Variants in ABHD17C observed in about 807,000 individuals in gnomAD.
ABHD17C encodes the protein alpha/beta hydrolase domain-containing protein 17C.
ABHD17C carries 11 observed loss-of-function variants against 27.9 expected under a neutral mutation model. That is an observed-to-expected ratio of 0.39 (90% CI 0.25 to 0.65). The LOEUF is 0.65. Among genes scored for constraint, ABHD17C ranks in the 30% least tolerant of loss-of-function variants. The pLI, the probability that ABHD17C is intolerant of heterozygous loss-of-function variation, is 0.45. For missense variants in ABHD17C, 280 were observed against 470.2 expected (o/e 0.60, Z 3.74); for synonymous variants, 233 against 209.1 (o/e 1.11, Z -0.98).
At chr15:80,737,795 T>A (rs1308600445) in intron 1 of ABHD17C, among the ~76,000 whole-genome samples, 2 of 151,884 alleles carry the variant, frequency 1.3e-5, no homozygotes, top group Non-Finnish European at 1.5e-5. Context: ...CAGGGGGTGT[T>A]TATGAGCCAG....
chr15:80,728,906 C>T (rs1172026340), intron 1 of ABHD17C, among the ~76,000 whole-genome samples: 13 of 152,152 alleles, frequency 8.5e-5, no homozygotes, highest in East Asian at 1.9e-4. Flanking sequence ...CCACCACGCC[C>T]GGCCTAAAGC....
At chr15:80,718,251 T>TA (rs1480918362) in intron 1 of ABHD17C, among the ~76,000 whole-genome samples, 2 of 118,274 alleles carry the variant, frequency 1.7e-5, no homozygotes, top group African/African-American at 3.0e-5. Context: ...TGTAGTTTAT[T>TA]TTTTTTTTGA....
chr15:80,697,713 AG>A (rs1422681786), intron 1 of ABHD17C, among the ~76,000 whole-genome samples: 1 of 152,188 alleles, frequency 6.6e-6, no homozygotes, highest in Non-Finnish European at 1.5e-5. Context: ...AGTTGAATTA[AG>A]GGTAATTGTT....
rs865807336 is a variant in ABHD17C, at chr15:80,744,093, A to G, written c.591-5420A>G. Among the ~76,000 whole-genome samples the G allele has an allele frequency of 4.6e-5, 7 of 152,036 alleles. No homozygotes were observed. In the South Asian group the frequency reaches 1.5e-3, roughly 32 times the overall value. On this transcript the variant is annotated intron_variant, in intron 1 of 2. Coordinates refer to ENST00000258884, the MANE Select transcript of ABHD17C (RefSeq NM_021214.2). ...CCTATGTTTCACACAAACTTAATTC[A>G]TTGTCTCTTTTTTCCCCCCTCTGTC... is the stretch of plus-strand genomic sequence containing the variant.
intron 1 of ABHD17C, among the ~76,000 whole-genome samples, chr15:80,740,296 TC>T (rs773682969): frequency 2.0e-5 from 3 of 152,122 alleles, no homozygotes; most frequent in Non-Finnish European, 2.9e-5. Flanking sequence ...GAAACACATG[TC>T]CCAAGAGTTT....
In ABHD17C at chr15:80,749,545, ATGG is replaced by A; in HGVS notation, c.625_627del (p.Gly209del). 6.2e-7 allele frequency: 1 copy of A among 1,613,860 alleles called. No individual in the cohort carries two copies. On this transcript the variant is annotated inframe_deletion, in exon 2 of 3. Coordinates refer to ENST00000258884, the MANE Select transcript of ABHD17C (RefSeq NM_021214.2). ...GTGAGTCCCGAGAACATTATCCTCTATGGTCAGAGCATTGGGACTGTCCCCACG... is the reference window on the plus strand; with the variant it reads ...GTGAGTCCCGAGAACATTATCCTCTATCAGAGCATTGGGACTGTCCCCACG...
intron 1 of ABHD17C, among the ~76,000 whole-genome samples, chr15:80,696,769 A>C (rs913274118): frequency 2.0e-5 from 3 of 152,232 alleles, no homozygotes; most frequent in African/African-American, 7.2e-5. Flanking sequence ...CCAGGCACAA[A>C]CTGGGGGCAT....
At chr15:80,743,666 T>C (rs1895241174) in intron 1 of ABHD17C, among the ~76,000 whole-genome samples, 1 of 152,148 alleles carries the variant, frequency 6.6e-6, no homozygotes, top group African/African-American at 2.4e-5. Flanking sequence ...CACTGCAGCC[T>C]CAACTTCATG....
At chr15:80,724,899 C>A (rs957493718) in intron 1 of ABHD17C, among the ~76,000 whole-genome samples, 3 of 152,146 alleles carry the variant, frequency 2.0e-5, no homozygotes, top group Non-Finnish European at 4.4e-5. Flanking sequence ...AACAGAGTGA[C>A]ATGCTTTTAC....
intron 1 of ABHD17C, among the ~76,000 whole-genome samples, chr15:80,734,446 CATTATT>C (rs1174251468): frequency 2.0e-5 from 3 of 152,118 alleles, no homozygotes; most frequent in Non-Finnish European, 4.4e-5. Context: ...AAAGAATCTC[CATTATT>C]ATTAGAACAG....
chr15:80,706,708 A>G (rs949393623), intron 1 of ABHD17C, among the ~76,000 whole-genome samples: 2 of 152,226 alleles, frequency 1.3e-5, no homozygotes, highest in Non-Finnish European at 2.9e-5. Context: ...TGTCATGGAC[A>G]TAACTAAACC....
At chr15:80,749,976 C>T (rs1228597006) in intron 2 of ABHD17C, among the ~76,000 whole-genome samples, 1 of 152,174 alleles carries the variant, frequency 6.6e-6, no homozygotes, top group African/African-American at 2.4e-5. Context: ...GGATTTTTAA[C>T]AGCACCCATA....
intron 1 of ABHD17C, among the ~76,000 whole-genome samples, chr15:80,699,454 C>T (rs985953269): frequency 2.0e-5 from 3 of 152,006 alleles, no homozygotes; most frequent in African/African-American, 4.8e-5. Context: ...GGCTTGAGGC[C>T]TCATCCACTT....
chr15:80,748,732 A>C (rs1211274494), intron 1 of ABHD17C, among the ~76,000 whole-genome samples: 2 of 149,142 alleles, frequency 1.3e-5, no homozygotes, highest in African/African-American at 5.0e-5. Flanking sequence ...GAGGTGGCTC[A>C]CTGTGATCTA....
intron 1 of ABHD17C, among the ~76,000 whole-genome samples, chr15:80,716,121 G>T (rs1056678245): frequency 6.6e-6 from 1 of 152,162 alleles, no homozygotes; most frequent in Non-Finnish European, 1.5e-5. Flanking sequence ...AAGTCAGTCT[G>T]ATGTGTTTAT....
intron 1 of ABHD17C, among the ~76,000 whole-genome samples, chr15:80,735,608 G>A (rs1895119789): frequency 6.6e-6 from 1 of 151,984 alleles, no homozygotes; most frequent in Non-Finnish European, 1.5e-5. Context: ...AGCCAGGGCG[G>A]GCTCCAGTGC....
At chr15:80,696,696 C>T (rs1179768780) in intron 1 of ABHD17C, among the ~76,000 whole-genome samples, 2 of 152,164 alleles carry the variant, frequency 1.3e-5, no homozygotes, top group Admixed American at 6.5e-5. Context: ...GCTGGGAAAT[C>T]TCTGACCTTA....
At chr15:80,738,231 C>A (rs1167371475) in intron 1 of ABHD17C, among the ~76,000 whole-genome samples, 3 of 152,052 alleles carry the variant, frequency 2.0e-5, no homozygotes, top group African/African-American at 7.2e-5. Context: ...TGGATTGACA[C>A]CAGGTCAGTA....
chr15:80,745,977 C>T lies in ABHD17C; in HGVS notation c.591-3536C>T, dbSNP rs112851209. The stretch of plus-strand genomic sequence containing the variant: ...TATCTCGGAGTAGAATTGCTAGGTT[C>T]CTGGGTATGTGCTAATAAATCATGT... On this transcript the variant is annotated intron_variant, in intron 1 of 2. Transcript: ENST00000258884. Among the ~76,000 whole-genome samples the T allele has an allele frequency of 4.1e-3, 626 of 152,210 alleles. 1 individual carries two copies. The highest frequency in any genetic ancestry group is 6.7e-3 in the Non-Finnish European group (457 of 68,006).
Sources: allele counts gnomAD v4.1 joint callset (sites outside exome capture counted in the v4.1 genomes callset), GRCh38; gene constraint gnomAD v4.1.1; transcripts MANE v1.5; gene names NCBI Gene and HGNC (gene_info 2026-07-23, HGNC 2026-07-21).